Variants in PLCB4 observed in about 807,000 individuals in gnomAD.
PLCB4 encodes 1-phosphatidylinositol 4,5-bisphosphate phosphodiesterase beta-4.
Under a neutral mutation model 178.8 loss-of-function variants are expected in PLCB4, and 77 were observed. The observed-to-expected ratio is 0.43, with a 90% CI of 0.36 to 0.52. The LOEUF (loss-of-function observed/expected upper bound fraction) is 0.52, where lower values mean the gene tolerates loss of function less well. Among genes scored for constraint, PLCB4 ranks in the 20% least tolerant of loss-of-function variants. PLCB4 has a pLI of 0.00. For synonymous variants in PLCB4, 496 were observed against 490.8 expected, an observed-to-expected ratio of 1.01 and a Z score of -0.14; for missense variants, 1,024 against 1,453.4, an observed-to-expected ratio of 0.70 and a Z score of 4.80.
chr20:9,118,464 T>C (rs1177511414), intron 2 of PLCB4, among the ~76,000 whole-genome samples: 2 of 151,304 alleles, frequency 1.3e-5, no homozygotes, highest in Non-Finnish European at 2.9e-5. Flanking sequence ...TTTTAAAGCA[T>C]GACATATCTA....
chr20:9,303,012 A>G (rs2147842474), intron 3 of PLCB4, among the ~76,000 whole-genome samples: 1 of 152,272 alleles, frequency 6.6e-6, no homozygotes, highest in East Asian at 1.9e-4. Flanking sequence ...TGTTTTGCCC[A>G]CCATTCTTCA....
chr20:9,337,083 A>G (rs1197480177), intron 4 of PLCB4, 43 bp from the exon 5 acceptor site: 2 of 1,266,886 alleles, frequency 1.6e-6, no homozygotes, highest in Non-Finnish European at 2.3e-6. Context: ...ATTAGATTCA[A>G]AATGGTGTGA....
At chr20:9,270,990 C>T (rs943313214) in intron 3 of PLCB4, among the ~76,000 whole-genome samples, 1 of 152,098 alleles carries the variant, frequency 6.6e-6, no homozygotes, top group Non-Finnish European at 1.5e-5. Flanking sequence ...TTTGATGACT[C>T]ATTGTAGAAA....
intron 2 of PLCB4, chr20:9,166,315 G>C (rs2092969841): frequency 6.6e-6 from 1 of 152,038 alleles, no homozygotes; most frequent in Admixed American, 6.6e-5. Context: ...GTTATGTTTG[G>C]GGCCTCTTAC....
intron 2 of PLCB4, among the ~76,000 whole-genome samples, chr20:9,124,291 A>G (rs147678186): frequency 6.6e-6 from 1 of 152,144 alleles, no homozygotes; most frequent in Non-Finnish European, 1.5e-5. Context: ...GGATTGCTTG[A>G]GCCCAGGAGT....
intron 3 of PLCB4, among the ~76,000 whole-genome samples, chr20:9,246,434 G>A (rs143770349): frequency 6.6e-6 from 1 of 152,194 alleles, no homozygotes; most frequent in East Asian, 1.9e-4. Context: ...TACCAGATTT[G>A]TTTTCTGATG....
chr20:9,174,758 A>G (rs6056446), intron 2 of PLCB4, among the ~76,000 whole-genome samples: 137 of 152,270 alleles, frequency 9.0e-4, no homozygotes, highest in Middle Eastern at 6.8e-3. Context: ...TACATTTTGA[A>G]CTTATGACTG....
chr20:9,467,767 T>G (rs907236559), intron 35 of PLCB4, among the ~76,000 whole-genome samples: 3 of 152,204 alleles, frequency 2.0e-5, no homozygotes, highest in Non-Finnish European at 4.4e-5. Context: ...GCCCATCTCT[T>G]TGGATGCAGA....
chr20:9,441,798 T>A (rs1405215065), intron 30 of PLCB4, among the ~76,000 whole-genome samples: 1 of 152,128 alleles, frequency 6.6e-6, no homozygotes, highest in East Asian at 1.9e-4. Context: ...GCATAGTGTG[T>A]GGCTGGAGCA....
At chr20:9,135,491 C>A (rs867366506) in intron 2 of PLCB4, among the ~76,000 whole-genome samples, 6 of 152,024 alleles carry the variant, frequency 3.9e-5, no homozygotes, top group Non-Finnish European at 7.4e-5. Context: ...TACAGCAGAG[C>A]CAGAACTACA....
intron 1 of PLCB4, among the ~76,000 whole-genome samples, chr20:9,093,307 C>T (rs1019837021): frequency 5.3e-5 from 8 of 152,140 alleles, no homozygotes; most frequent in African/African-American, 1.9e-4. Context: ...TCATGTAACT[C>T]GTTCGTAATT....
chr20:9,431,285 C>T (rs577149189), intron 28 of PLCB4, among the ~76,000 whole-genome samples: 4 of 151,940 alleles, frequency 2.6e-5, no homozygotes, highest in South Asian at 2.1e-4. Flanking sequence ...CTTCTTATAG[C>T]GACACTAGTG....
chr20:9,427,479 T>A lies in PLCB4; in HGVS notation c.2524+3527T>A, dbSNP rs115757988. Among the ~76,000 whole-genome samples, 785 of 152,310 alleles carry A rather than the reference T, an allele frequency of 5.2e-3. 8 individuals carry two copies. The highest frequency in any genetic ancestry group is 0.018 in the African/African-American group (748 of 41,564). On this transcript the variant is annotated intron_variant, in intron 28 of 39. Transcript: ENST00000378473. ...CAAAACGTAAAGAAAAACAACCCTG[T>A]CTTTTACTCCCTCTGTCATACACAA...
At chr20:9,298,778 A>G (rs2094669663) in intron 3 of PLCB4, among the ~76,000 whole-genome samples, 1 of 152,102 alleles carries the variant, frequency 6.6e-6, no homozygotes. Context: ...TTGCCCCTCA[A>G]TTATGATTAA....
intron 20 of PLCB4, among the ~76,000 whole-genome samples, chr20:9,403,024 C>T (rs180783333): frequency 7.2e-5 from 11 of 152,208 alleles, no homozygotes; most frequent in African/African-American, 2.2e-4. Flanking sequence ...AAAGTGAAGA[C>T]GATAACACCT....
At chr20:9,195,377 G>A (rs1044594625) in intron 2 of PLCB4, among the ~76,000 whole-genome samples, 1 of 152,170 alleles carries the variant, frequency 6.6e-6, no homozygotes, top group Non-Finnish European at 1.5e-5. Flanking sequence ...CTCGGCTAAG[G>A]GTTGCTCGAT....
At chr20:9,233,922 G>T (rs974814499) in intron 3 of PLCB4, among the ~76,000 whole-genome samples, 2 of 152,158 alleles carry the variant, frequency 1.3e-5, no homozygotes, top group South Asian at 2.1e-4. Context: ...CACTGCTGCA[G>T]TGGAAAATGA....
At chr20:9,448,881 G>C (rs2042577060) in intron 32 of PLCB4, among the ~76,000 whole-genome samples, 4 of 152,140 alleles carry the variant, frequency 2.6e-5, no homozygotes, top group Admixed American at 2.6e-4. Flanking sequence ...AAGGAACAGT[G>C]GGGTGAGTGT....
At chr20:9,243,339 T>C (rs1247455000) in intron 3 of PLCB4, among the ~76,000 whole-genome samples, 1 of 152,200 alleles carries the variant, frequency 6.6e-6, no homozygotes, top group African/African-American at 2.4e-5. Context: ...TCTTCATGAA[T>C]GCCCAAATTA....
Sources: allele counts gnomAD v4.1 joint callset (sites outside exome capture counted in the v4.1 genomes callset), GRCh38; gene constraint gnomAD v4.1.1; transcripts MANE v1.5; gene names NCBI Gene and HGNC (gene_info 2026-07-23, HGNC 2026-07-21).